PLAT: variants seen among roughly 807,000 people sequenced by gnomAD.
PLAT encodes the protein plasminogen activator, tissue type.
In PLAT, 48 loss-of-function variants were observed where a neutral mutation model predicts 74.9. That is an observed-to-expected ratio of 0.64 (90% confidence interval 0.51 to 0.82). PLAT has a LOEUF of 0.82. Ranked by LOEUF, PLAT falls within the 40% of genes least tolerant of loss-of-function variation. The probability of loss-of-function intolerance (pLI) is 0.00; values close to 1 mark genes in which losing one functional copy is unlikely to be tolerated. For missense variants in PLAT, 673 were observed against 736.2 expected (o/e 0.91, Z 0.99); for synonymous variants, 307 against 294.4 (o/e 1.04, Z -0.44).
At chr8:42,197,224 G>A (rs1182692686) in intron 1 of PLAT, among the ~76,000 whole-genome samples, 1 of 152,226 alleles carries the variant, frequency 6.6e-6, no homozygotes, top group Non-Finnish European at 1.5e-5. Context: ...AGGCACCTGT[G>A]TGTAGGACAC....
At chr8:42,199,998 G>A (rs566360125) in intron 1 of PLAT, among the ~76,000 whole-genome samples, 1 of 152,308 alleles carries the variant, frequency 6.6e-6, no homozygotes, top group East Asian at 1.9e-4. Flanking sequence ...ACTTGAATTA[G>A]GAAATACTGA....
chr8:42,202,930 G>A (rs1056702307), intron 1 of PLAT, among the ~76,000 whole-genome samples: 6 of 152,134 alleles, frequency 3.9e-5, no homozygotes, highest in Non-Finnish European at 8.8e-5. Flanking sequence ...CCACGGCTTG[G>A]CTCTGGGCCA....
At chr8:42,194,215 TGAGA>T (rs140537859) in intron 1 of PLAT, among the ~76,000 whole-genome samples, 85 of 119,906 alleles carry the variant, frequency 7.1e-4, no homozygotes, top group East Asian at 2.2e-3. Context: ...TGTGCCTGGC[TGAGA>T]GAGAGAGAGA....
rs748089209 is a variant in PLAT at position 42,180,065 on chromosome 8, C to G, written c.1224G>C (p.Ala408=). 6.2e-7 allele frequency: 1 copy of G among 1,603,480 alleles called. No individual in the cohort carries two copies. Among genetic ancestry groups the G allele is most frequent in the African/African-American group, 1.3e-5 (1 of 74,884 alleles). The change falls in exon 12 of 14, where the codon GCG becomes GCC. Residue 408 remains alanine, a splice_region_variant and synonymous_variant. Coordinates refer to ENST00000220809, the MANE Select transcript of PLAT (RefSeq NM_000930.5). The part of the protein sequence containing the change: ...FDDDTYDNDI[A]LLQLKSDSSR... ...ACGAATCCGATTTCAGCTGCAGCAG[C>G]GCTGGGAGGGAGAAAGGAGGAGTGA...
intron 2 of PLAT, 147 bp downstream of exon 2, chr8:42,192,967 T>A (rs575289867): frequency 7.9e-6 from 5 of 629,482 alleles, no homozygotes; most frequent in Non-Finnish European, 1.4e-5. Context: ...TGCTGTGTGC[T>A]CCACAGCAAT....
In PLAT at chr8:42,174,798, A is replaced by G. The variant is rs765721305; in HGVS notation, c.*1195T>C. Among the ~76,000 whole-genome samples the G allele has an allele frequency of 6.6e-6, 1 of 152,138 alleles. No homozygotes were observed. Among genetic ancestry groups the G allele is most frequent in the Non-Finnish European group, 1.5e-5 (1 of 68,036 alleles). ...TTCCAGCCTATGTTCCTCTTCCTGAAGTTCACTTCAGACAAGCTCAACTCA... is the reference window on the plus strand; with the variant it reads ...TTCCAGCCTATGTTCCTCTTCCTGAGGTTCACTTCAGACAAGCTCAACTCA... On this transcript the variant is annotated 3_prime_UTR_variant, in exon 14 of 14. Transcript: ENST00000220809.
At chr8:42,187,675 G>C in intron 5 of PLAT, 103 bp from the exon 6 acceptor site, 1 of 1,173,708 alleles carries the variant, frequency 8.5e-7, no homozygotes, top group African/African-American at 1.5e-5. Context: ...CCTGATGCAG[G>C]CTGGCTCGGA....
At position 42,175,755 on chromosome 8, in the gene PLAT, G is replaced by T; in HGVS notation, c.*238C>A. 1 of 471,086 alleles carries T rather than the reference G, an allele frequency of 2.1e-6. No individual in the cohort carries two copies. The highest frequency in any genetic ancestry group is 1.9e-5 in the African/African-American group (1 of 51,896). 29.2% of individuals were successfully genotyped at this position (471,086 alleles called of 1,614,324 possible). ...GGAGGAGGCATTCCTGGAGAGGCTA[G>T]TGTGCATTCATGTCTTCCCATCTGA... is the stretch of plus-strand genomic sequence containing the variant. On this transcript the variant is annotated 3_prime_UTR_variant, in exon 14 of 14. Transcript: ENST00000220809.
chr8:42,182,020 T>C lies in PLAT; in HGVS notation c.806A>G (p.Asn269Ser). ...LGLGKHNYCR[N>S]PDGDAKPWCH... Reference sequence around the variant, plus strand: ...CCAGGGCTTGGCATCCCCATCAGGATTCCTAAATGATAAGAGAGTTTAAGG... The same window carrying C: ...CCAGGGCTTGGCATCCCCATCAGGACTCCTAAATGATAAGAGAGTTTAAGG... The change falls in exon 9 of 14, where the codon AAT becomes AGT. Residue 269 changes from asparagine to serine, a missense_variant and splice_region_variant. Transcript: ENST00000220809. 1 of 1,589,434 alleles carries C rather than the reference T, an allele frequency of 6.3e-7. No homozygotes were observed. The highest frequency in any genetic ancestry group is 8.6e-7 in the Non-Finnish European group (1 of 1,157,446).
At chr8:42,190,286 G>A (rs1805636232) in intron 3 of PLAT, among the ~76,000 whole-genome samples, 1 of 152,120 alleles carries the variant, frequency 6.6e-6, no homozygotes, top group Non-Finnish European at 1.5e-5. Context: ...CTGTCTACCA[G>A]AGTTTTTTAT....
chr8:42,181,977 G>A lies in PLAT; in HGVS notation c.849C>T (p.Asn283=). The A allele has an allele frequency of 1.2e-6, 2 of 1,612,968 alleles. No homozygotes were observed. Among genetic ancestry groups the A allele is most frequent in the Non-Finnish European group, 1.7e-6 (2 of 1,178,916 alleles). The change falls in exon 9 of 14, where the codon AAC becomes AAT. Residue 283 remains asparagine, a synonymous_variant. Coordinates refer to ENST00000220809, the MANE Select transcript of PLAT (RefSeq NM_000930.5). ...CACAGTACTCCCACGTCAGCCTGCGGTTCTTCAGCACGTGGCACCAGGGCT... is the reference window on the plus strand; with the variant it reads ...CACAGTACTCCCACGTCAGCCTGCGATTCTTCAGCACGTGGCACCAGGGCT... ...DAKPWCHVLK[N]RRLTWEYCDV... is the part of the protein sequence containing the mutation.
intron 1 of PLAT, among the ~76,000 whole-genome samples, chr8:42,195,128 C>T (rs1435415842): frequency 1.3e-5 from 2 of 152,074 alleles, no homozygotes; most frequent in African/African-American, 4.8e-5. Flanking sequence ...CTCCCCCTCC[C>T]CCGAGCGTCC....
intron 1 of PLAT, among the ~76,000 whole-genome samples, chr8:42,200,299 G>C (rs138255495): frequency 6.6e-6 from 1 of 152,282 alleles, no homozygotes; most frequent in Non-Finnish European, 1.5e-5. Context: ...AACACTTTGG[G>C]AGGCTGAGGA....
At position 42,195,262 on chromosome 8, in the gene PLAT, G is replaced by A. The variant is rs148006817; in HGVS notation, c.-26-2051C>T. Among the ~76,000 whole-genome samples, 133 of 152,192 alleles carry A rather than the reference G, an allele frequency of 8.7e-4. No individual in the cohort carries two copies. In the South Asian group the frequency reaches 0.018, roughly 20 times the overall value. Reference sequence around the variant, plus strand: ...AGGTGCTGATCACCCTCCTTGCCTCGCTACATTTCATGCCTGACAGATTCT... The same window carrying A: ...AGGTGCTGATCACCCTCCTTGCCTCACTACATTTCATGCCTGACAGATTCT... On this transcript the variant is annotated intron_variant, in intron 1 of 13. Transcript: ENST00000220809.
At chr8:42,194,070 T>TTTTTTA (rs1805802085) in intron 1 of PLAT, among the ~76,000 whole-genome samples, 1 of 145,344 alleles carries the variant, frequency 6.9e-6, no homozygotes, top group Non-Finnish European at 1.5e-5. Flanking sequence ...TTTTTTTTTT[T>TTTTTTA]GAGACTAGGT....
intron 13 of PLAT, 110 bp from the exon 14 acceptor site, chr8:42,176,261 A>G (rs1804971389): frequency 2.8e-6 from 2 of 720,006 alleles, no homozygotes; most frequent in Non-Finnish European, 4.6e-6. Flanking sequence ...AGGCCCTTCA[A>G]TAATATTCCA....
chr8:42,182,626 G>T, intron 8 of PLAT, 93 bp downstream of exon 8: 1 of 940,156 alleles, frequency 1.1e-6, no homozygotes, highest in Non-Finnish European at 1.6e-6. Context: ...CACTGGGTCT[G>T]TCATGCAACT....
At chr8:42,182,964 C>T (rs565275312) in intron 7 of PLAT, 74 bp from the exon 8 acceptor site, 79 of 1,239,910 alleles carry the variant, frequency 6.4e-5, no homozygotes, top group Admixed American at 4.2e-4. Flanking sequence ...GGGCTTGAAG[C>T]GGAGCTGCCG....
chr8:42,193,906 G>A (rs1454315962), intron 1 of PLAT, among the ~76,000 whole-genome samples: 1 of 151,808 alleles, frequency 6.6e-6, no homozygotes, highest in Non-Finnish European at 1.5e-5. Context: ...AGTAGAGACG[G>A]GGTTTCACCG....
Sources: gnomAD v4.1 joint callset for allele counts (sites outside exome capture counted in the v4.1 genomes callset) on GRCh38, gnomAD v4.1.1 for gene constraint, MANE v1.5 for transcripts, NCBI Gene and HGNC (gene_info 2026-07-23, HGNC 2026-07-21) for gene names.